PDE9A: variants seen among roughly 807,000 people sequenced by gnomAD.
PDE9A encodes phosphodiesterase 9A.
Under a neutral mutation model 87.4 loss-of-function variants are expected in PDE9A, and 60 were observed. The observed-to-expected ratio is 0.69, with a 90% CI of 0.56 to 0.85. The LOEUF (loss-of-function observed/expected upper bound fraction) is 0.85, where lower values mean the gene tolerates loss of function less well. PDE9A is among the 40% of genes least tolerant of loss of function. The pLI is 0.00. For missense variants in PDE9A, 665 were observed against 779.0 expected (o/e 0.85, Z 1.74); for synonymous variants, 272 against 279.4 (o/e 0.97, Z 0.27).
At chr21:42,699,674 C>T (rs1024445830) in intron 4 of PDE9A, among the ~76,000 whole-genome samples, 3 of 152,054 alleles carry the variant, frequency 2.0e-5, no homozygotes, top group African/African-American at 7.2e-5. Context: ...TCCTGCCTCA[C>T]CCTCCCAGGT....
intron 7 of PDE9A, among the ~76,000 whole-genome samples, chr21:42,736,498 A>ATTT (rs1256050913): frequency 6.6e-6 from 1 of 152,276 alleles, no homozygotes; most frequent in Admixed American, 6.5e-5. Context: ...GGCCTGGAAA[A>ATTT]GGACACCGCT....
At chr21:42,730,258 T>C (rs1030000136) in intron 4 of PDE9A, among the ~76,000 whole-genome samples, 1 of 152,122 alleles carries the variant, frequency 6.6e-6, no homozygotes, top group African/African-American at 2.4e-5. Context: ...GTATGAAAAT[T>C]TTCTGGCTGA....
Position 42,702,882 on chromosome 21 carries a change from A to G in PDE9A, c.262+3871A>G, listed in dbSNP as rs1278630485. Among the ~76,000 whole-genome samples, 1 of 152,240 alleles carries G rather than the reference A, an allele frequency of 6.6e-6. No individual in the cohort carries two copies. Among genetic ancestry groups the G allele is most frequent in the Admixed American group, 6.5e-5 (1 of 15,284 alleles). Reference sequence around the variant, plus strand: ...TTTATGCTGAGTGGCGTGGGCAGCTATTAGAAGGCTTTCAGGAGAGGAGTG... The same window carrying G: ...TTTATGCTGAGTGGCGTGGGCAGCTGTTAGAAGGCTTTCAGGAGAGGAGTG... On this transcript the variant is annotated intron_variant, in intron 4 of 19. Coordinates refer to ENST00000291539, the MANE Select transcript of PDE9A (RefSeq NM_002606.3). The surrounding 1 kb of genome is among the most constrained non-coding windows in gnomAD (Gnocchi z 4.9).
chr21:42,659,073 C>T lies in PDE9A; in HGVS notation c.69+5190C>T, dbSNP rs2057298546. Among the ~76,000 whole-genome samples the T allele has an allele frequency of 6.6e-6, 1 of 152,188 alleles. No homozygotes were observed. Among genetic ancestry groups the T allele is most frequent in the Admixed American group, 6.5e-5 (1 of 15,282 alleles). ...AGCAATCAGCCATGAAGTGCCTGAC[C>T]ACTTGAGAGCTACAGCAGGTGCTGT... On this transcript the variant is annotated intron_variant, in intron 1 of 19. Coordinates refer to ENST00000291539, the MANE Select transcript of PDE9A (RefSeq NM_002606.3). This position sits in a 1 kb window ranked among gnomAD's most constrained non-coding sequence, Gnocchi z 4.1.
chr21:42,697,426 TTCTCTATACATCAC>T, intron 3 of PDE9A: 1 of 1,609,828 alleles, frequency 6.2e-7, no homozygotes, highest in East Asian at 2.2e-5. Flanking sequence ...AATGAGCTCA[TTCTCTATACATCAC>T]TCCGTAACTT....
At chr21:42,654,691 G>A (rs905304580) in intron 1 of PDE9A, among the ~76,000 whole-genome samples, 1 of 152,230 alleles carries the variant, frequency 6.6e-6, no homozygotes, top group Non-Finnish European at 1.5e-5. Context: ...AAGGAGGCCA[G>A]GGAGAGATGC....
intron 4 of PDE9A, among the ~76,000 whole-genome samples, chr21:42,728,351 A>G (rs780431996): frequency 6.6e-6 from 1 of 152,102 alleles, no homozygotes; most frequent in Non-Finnish European, 1.5e-5. Context: ...GATGCTTTTA[A>G]TCAACTTGAA....
intron 10 of PDE9A, 129 bp downstream of exon 10, chr21:42,754,193 A>AAG (rs1569251359): frequency 4.9e-6 from 3 of 611,550 alleles, no homozygotes; most frequent in Non-Finnish European, 8.6e-6. Flanking sequence ...ACTGAAAAAA[A>AAG]AAAACAAAAC....
chr21:42,703,066 A>G (rs1175904074), intron 4 of PDE9A, among the ~76,000 whole-genome samples: 1 of 152,176 alleles, frequency 6.6e-6, no homozygotes, highest in Non-Finnish European at 1.5e-5. Context: ...GGAGGTGATG[A>G]GGAGCGCAGG....
At position 42,760,927 on chromosome 21, in the gene PDE9A, T is replaced by C; in HGVS notation, c.1085+20T>C. 6.4e-7 allele frequency: 1 copy of C among 1,554,512 alleles called. No individual in the cohort carries two copies. Among genetic ancestry groups the C allele is most frequent in the Non-Finnish European group, 8.9e-7 (1 of 1,125,688 alleles). The stretch of plus-strand genomic sequence containing the variant: ...CAACACGTATGTACAGGATTTTCTC[T>C]TTTTTTCCTTTTAAAAGGCACCCTG... On this transcript the variant is annotated intron_variant, in intron 13 of 19. Transcript: ENST00000291539. This position sits in a 1 kb window ranked among gnomAD's most constrained non-coding sequence, Gnocchi z 5.2.
chr21:42,742,674 C>T (rs2053440969), intron 7 of PDE9A, among the ~76,000 whole-genome samples: 1 of 151,994 alleles, frequency 6.6e-6, no homozygotes, highest in Admixed American at 6.6e-5. Flanking sequence ...ACTATATTGG[C>T]CAGGCTGGTC....
In PDE9A at chr21:42,689,801, G is replaced by A. The variant is rs998418970; in HGVS notation, c.218+1807G>A. The A allele has an allele frequency of 7.7e-5, 76 of 985,298 alleles. No individual in the cohort carries two copies. In the African/African-American group the frequency reaches 1.3e-3, roughly 16 times the overall value. The allele number at this position is 985,298 out of a possible 1,614,324, so 61.0% of individuals were successfully genotyped here. A position where few individuals can be genotyped will look rare whatever the true frequency, so the allele number is the denominator to read the frequency against. ...CCAAAATGCATGCCTTTCTGATAAA[G>A]AGACAGAGACAGATGAGGTACCATG... On this transcript the variant is annotated intron_variant, in intron 3 of 19. Transcript: ENST00000291539.
intron 1 of PDE9A, among the ~76,000 whole-genome samples, chr21:42,656,698 C>G (rs994261573): frequency 2.0e-5 from 3 of 152,234 alleles, no homozygotes. Flanking sequence ...GGATTGTCTT[C>G]CCTCCTCAGG....
intron 4 of PDE9A, among the ~76,000 whole-genome samples, chr21:42,700,481 C>G (rs2048295638): frequency 6.6e-6 from 1 of 152,162 alleles, no homozygotes; most frequent in Non-Finnish European, 1.5e-5. Flanking sequence ...GTTCCCCAGT[C>G]TGGGTTTGTC....
In PDE9A at chr21:42,692,534, G is replaced by A. The variant is rs757452209; in HGVS notation, c.218+4540G>A. 5.7e-4 allele frequency among the ~76,000 whole-genome samples: 87 copies of A among 152,118 alleles called. No individual in the cohort carries two copies. The highest frequency in any genetic ancestry group is 1.0e-3 in the Non-Finnish European group (71 of 68,012). ...CAGACAACTGCGTCAGAATCCGCAG[G>A]GGGCTTGGTGGAGCACAGAGCTCCC... is the stretch of plus-strand genomic sequence containing the variant. On this transcript the variant is annotated intron_variant, in intron 3 of 19. Transcript: ENST00000291539. The surrounding 1 kb of genome is among the most constrained non-coding windows in gnomAD (Gnocchi z 4.3).
At chr21:42,731,981 C>A in intron 5 of PDE9A, 32 bp downstream of exon 5, 1 of 1,610,572 alleles carries the variant, frequency 6.2e-7, no homozygotes, top group Non-Finnish European at 8.5e-7. Context: ...ACAGCCTCCA[C>A]CCCCCAACAC....
At chr21:42,727,775 G>T (rs909732401) in intron 4 of PDE9A, among the ~76,000 whole-genome samples, 6 of 150,744 alleles carry the variant, frequency 4.0e-5, no homozygotes, top group Admixed American at 6.6e-5. Context: ...GTGTTTTTTT[G>T]TTGTTGTTGT....
At chr21:42,761,488 A>T (rs900528180) in intron 13 of PDE9A, among the ~76,000 whole-genome samples, 2 of 152,240 alleles carry the variant, frequency 1.3e-5, no homozygotes, top group Non-Finnish European at 2.9e-5. Context: ...GACAAGGTCC[A>T]GGCCATGGGC....
intron 4 of PDE9A, among the ~76,000 whole-genome samples, chr21:42,711,079 G>T (rs1422184538): frequency 6.6e-6 from 1 of 152,172 alleles, no homozygotes; most frequent in Non-Finnish European, 1.5e-5. Context: ...CATAAGCTAG[G>T]ATATAATTCA....
Sources: gnomAD v4.1 joint callset for allele counts (sites outside exome capture counted in the v4.1 genomes callset) on GRCh38, gnomAD v4.1.1 for gene constraint, Gnocchi (gnomAD v3.1) non-coding constraint, MANE v1.5 for transcripts, NCBI Gene and HGNC (gene_info 2026-07-23, HGNC 2026-07-21) for gene names.